VWA8: variants seen among roughly 807,000 people sequenced by gnomAD.
The protein encoded by VWA8 is von Willebrand factor A domain-containing protein 8.
Under a neutral mutation model 241.5 loss-of-function variants are expected in VWA8, and 221 were observed. That is an observed-to-expected ratio of 0.91 (90% confidence interval 0.82 to 1.02). VWA8 has a LOEUF of 1.02. VWA8 is among the 50% of genes least tolerant of loss of function. VWA8 has a pLI of 0.00. For synonymous variants in VWA8, 852 were observed against 827.1 expected, an observed-to-expected ratio of 1.03 and a Z score of -0.52; for missense variants, 2,322 against 2,328.7, an observed-to-expected ratio of 1.00 and a Z score of 0.06.
chr13:41,843,426 G>A (rs1199449627), intron 12 of VWA8, among the ~76,000 whole-genome samples: 3 of 151,988 alleles, frequency 2.0e-5, no homozygotes, highest in South Asian at 4.2e-4. Flanking sequence ...CTAACATCAC[G>A]GCTAGAGGAA....
intron 12 of VWA8, among the ~76,000 whole-genome samples, chr13:41,839,547 G>A (rs1871898476): frequency 1.3e-5 from 2 of 152,140 alleles, no homozygotes; most frequent in Non-Finnish European, 2.9e-5. Flanking sequence ...TGGTGTTTTA[G>A]TCATGAAGTC....
chr13:41,770,646 A>C (rs187959279), intron 20 of VWA8, among the ~76,000 whole-genome samples: 3 of 152,080 alleles, frequency 2.0e-5, no homozygotes, highest in East Asian at 3.9e-4. Context: ...ATAGATCAGA[A>C]GGTGTCATAG....
At chr13:41,794,187 G>A (rs1869585000) in intron 17 of VWA8, among the ~76,000 whole-genome samples, 1 of 151,980 alleles carries the variant, frequency 6.6e-6, no homozygotes, top group South Asian at 2.1e-4. Flanking sequence ...GTCAATGGTA[G>A]TTTAATGGGA....
At chr13:41,577,015 G>A (rs1367626617) in intron 42 of VWA8, among the ~76,000 whole-genome samples, 1 of 152,242 alleles carries the variant, frequency 6.6e-6, no homozygotes, top group Non-Finnish European at 1.5e-5. Flanking sequence ...ACCTTGGGGT[G>A]CTCACACAAT....
At chr13:41,803,646 A>T (rs1346890584) in intron 17 of VWA8, among the ~76,000 whole-genome samples, 3 of 152,192 alleles carry the variant, frequency 2.0e-5, no homozygotes, top group African/African-American at 7.2e-5. Context: ...ATCTCCTACC[A>T]GGTCTCTCCC....
chr13:41,628,513 A>G (rs953411295), intron 37 of VWA8, among the ~76,000 whole-genome samples: 1 of 152,222 alleles, frequency 6.6e-6, no homozygotes, highest in African/African-American at 2.4e-5. Flanking sequence ...ACAATGGCAA[A>G]GACATTAAAT....
At chr13:41,820,075 T>G (rs563770119) in intron 14 of VWA8, among the ~76,000 whole-genome samples, 2 of 152,178 alleles carry the variant, frequency 1.3e-5, no homozygotes, top group Non-Finnish European at 2.9e-5. Flanking sequence ...AGATAAGACT[T>G]CCTTTGGTTT....
Position 41,891,567 on chromosome 13 carries a change from T to A in VWA8, c.504A>T (p.Thr168=), listed in dbSNP as rs1464071431. The A allele has an allele frequency of 1.2e-6, 2 of 1,614,070 alleles. No homozygotes were observed. Among genetic ancestry groups the A allele is most frequent in the Non-Finnish European group, 1.7e-6 (2 of 1,180,024 alleles). ...YIDQCAVRAA[T]EGRTLILEGL... ...CTTCCAAAATGAGAGTTCTGCCTTC[T>A]GTGGCTGCACGAACTGCACACTATT... Residue 168 remains threonine, a synonymous_variant, in exon 5 of 45, where the codon ACA becomes ACT. Transcript: ENST00000379310.
chr13:41,849,020 G>A (rs1386766402), intron 12 of VWA8, among the ~76,000 whole-genome samples: 1 of 152,298 alleles, frequency 6.6e-6, no homozygotes, highest in South Asian at 2.1e-4. Flanking sequence ...CACATTCCTG[G>A]AGGCATGAGT....
rs1422668888 is a variant in VWA8 at position 41,891,325 on chromosome 13, T to C, written c.651+95A>G. 12 of 1,449,984 alleles carry C rather than the reference T, an allele frequency of 8.3e-6. No individual in the cohort carries two copies. In the East Asian group the frequency reaches 2.3e-4, roughly 28 times the overall value. The allele number at this position is 1,449,984 out of a possible 1,614,324, so 89.8% of individuals were successfully genotyped here. ...CCAAGATAAGGGCCATCTGAACATC[T>C]GTCCTGATTCCAACAGAGCCATGTC... On this transcript the variant is annotated intron_variant, in intron 5 of 44. Transcript: ENST00000379310.
chr13:41,578,670 G>C (rs1346146699), intron 42 of VWA8, among the ~76,000 whole-genome samples: 1 of 152,146 alleles, frequency 6.6e-6, no homozygotes, highest in Non-Finnish European at 1.5e-5. Context: ...CCATGGAGGA[G>C]CTACAGGAGT....
At chr13:41,938,650 CAA>C (rs367709095) in intron 2 of VWA8, among the ~76,000 whole-genome samples, 1 of 128,112 alleles carries the variant, frequency 7.8e-6, no homozygotes, top group African/African-American at 2.8e-5. Flanking sequence ...GACTGCGTCT[CAA>C]AAAAAAAAAA....
chr13:41,804,714 C>G (rs1870108669), intron 17 of VWA8, among the ~76,000 whole-genome samples: 1 of 151,950 alleles, frequency 6.6e-6, no homozygotes, highest in Non-Finnish European at 1.5e-5. Flanking sequence ...AACAGCTTCT[C>G]AAGACATAGA....
intron 5 of VWA8, among the ~76,000 whole-genome samples, chr13:41,887,979 G>A (rs1874629021): frequency 1.3e-5 from 2 of 152,140 alleles, no homozygotes; most frequent in African/African-American, 4.8e-5. Context: ...GTGGAGCTTA[G>A]AGAATGGAAA....
intron 16 of VWA8, among the ~76,000 whole-genome samples, chr13:41,811,627 T>C (rs570965815): frequency 3.9e-5 from 6 of 152,288 alleles, no homozygotes; most frequent in African/African-American, 1.2e-4. Context: ...GGATGTTACA[T>C]AACAAAGGTC....
At chr13:41,839,796 A>G (rs1871910607) in intron 12 of VWA8, among the ~76,000 whole-genome samples, 1 of 152,196 alleles carries the variant, frequency 6.6e-6, no homozygotes, top group South Asian at 2.1e-4. Flanking sequence ...GTTTGAAGTC[A>G]GGTAGCATGA....
intron 9 of VWA8, among the ~76,000 whole-genome samples, chr13:41,882,587 C>T (rs1220210326): frequency 2.0e-5 from 3 of 152,216 alleles, no homozygotes; most frequent in African/African-American, 4.8e-5. Flanking sequence ...GGATCACTCG[C>T]GGTTAGGAGC....
chr13:41,773,388 T>A (rs1868420951), intron 20 of VWA8, among the ~76,000 whole-genome samples: 1 of 152,182 alleles, frequency 6.6e-6, no homozygotes, highest in South Asian at 2.1e-4. Context: ...AAACAAGGCA[T>A]TTTTTAAAAC....
chr13:41,740,262 T>C (rs1022735724), intron 21 of VWA8, among the ~76,000 whole-genome samples: 1 of 152,220 alleles, frequency 6.6e-6, no homozygotes, highest in African/African-American at 2.4e-5. Context: ...ATCTTATGTT[T>C]TATCTTAAAA....
Sources: gnomAD v4.1 joint callset for allele counts (sites outside exome capture counted in the v4.1 genomes callset) on GRCh38, gnomAD v4.1.1 for gene constraint, MANE v1.5 for transcripts, NCBI Gene and HGNC (gene_info 2026-07-23, HGNC 2026-07-21) for gene names.